The following IL17RD variants were observed in gnomAD, a reference collection of about 807,000 sequenced individuals.
The protein encoded by IL17RD is interleukin-17 receptor D.
IL17RD carries 52 observed loss-of-function variants against 80.5 expected under a neutral mutation model. The observed-to-expected ratio is 0.65, with a 90% CI of 0.52 to 0.81. The LOEUF is 0.81. Ranked by LOEUF, IL17RD falls within the 40% of genes least tolerant of loss-of-function variation. The pLI, the probability that IL17RD is intolerant of heterozygous loss-of-function variation, is 0.00. For synonymous variants in IL17RD, 416 were observed against 391.8 expected (o/e 1.06, Z -0.73); for missense variants, 1,024 against 955.1 (o/e 1.07, Z -0.95).
chr3:57,162,681 C>T (rs2060313825), intron 1 of IL17RD, among the ~76,000 whole-genome samples: 1 of 152,130 alleles, frequency 6.6e-6, no homozygotes, highest in South Asian at 2.1e-4. Flanking sequence ...ATCTTTGCCT[C>T]TACTTCTTAA....
chr3:57,164,688 C>CA (rs1307842277), intron 1 of IL17RD, among the ~76,000 whole-genome samples: 2 of 152,108 alleles, frequency 1.3e-5, no homozygotes, highest in African/African-American at 4.8e-5. Flanking sequence ...CCCGGTGCTC[C>CA]AAGTCCCCTC....
intron 5 of IL17RD, 140 bp downstream of exon 5, chr3:57,109,397 G>A (rs545940809): frequency 4.5e-5 from 35 of 773,172 alleles, no homozygotes; most frequent in African/African-American, 1.2e-4. Flanking sequence ...TGCCTGCCTC[G>A]GCCTCCCAAA....
chr3:57,120,336 G>C, intron 1 of IL17RD, 23 bp from the exon 2 acceptor site: 1 of 1,601,290 alleles, frequency 6.2e-7, no homozygotes, highest in South Asian at 1.1e-5. Context: ...AAGAGAACAT[G>C]ATGCAGAGTG....
chr3:57,133,707 G>C (rs1226631373), intron 1 of IL17RD, among the ~76,000 whole-genome samples: 1 of 152,198 alleles, frequency 6.6e-6, no homozygotes, highest in Non-Finnish European at 1.5e-5. Context: ...GAGTGGTATA[G>C]AGAGGTCAAT....
In IL17RD at chr3:57,134,211, C is replaced by A. The variant is rs544855601; in HGVS notation, c.127-13898G>T. 10 of 687,862 alleles carry A rather than the reference C, an allele frequency of 1.5e-5. No homozygotes were observed. The East Asian group carries it at 2.7e-4, about 18-fold the overall frequency. 42.6% of individuals were successfully genotyped at this position (687,862 alleles called of 1,614,324 possible). A position where few individuals can be genotyped will look rare whatever the true frequency, so the allele number is the denominator to read the frequency against. On this transcript the variant is annotated intron_variant, in intron 1 of 12. Coordinates refer to ENST00000296318, the MANE Select transcript of IL17RD (RefSeq NM_017563.5). ...TGGCAAGAAGAAGGTCTGGTTGGAC[C>A]CCAATAAGACCAATGAAATCGCCAA...
intron 1 of IL17RD, among the ~76,000 whole-genome samples, chr3:57,138,024 T>C (rs1046756790): frequency 6.6e-6 from 1 of 152,236 alleles, no homozygotes; most frequent in African/African-American, 2.4e-5. Flanking sequence ...CAATACTGTA[T>C]GACTACATTT....
chr3:57,115,268 C>A (rs1460949979), intron 2 of IL17RD, among the ~76,000 whole-genome samples: 2 of 152,168 alleles, frequency 1.3e-5, no homozygotes, highest in Non-Finnish European at 2.9e-5. Flanking sequence ...GGGAAAGGAA[C>A]TAACACTCAG....
At chr3:57,159,979 C>A (rs2060292552) in intron 1 of IL17RD, among the ~76,000 whole-genome samples, 1 of 152,182 alleles carries the variant, frequency 6.6e-6, no homozygotes, top group South Asian at 2.1e-4. Context: ...CGAGACCAGC[C>A]TGGCCAACAT....
At chr3:57,161,538 T>C (rs2060305061) in intron 1 of IL17RD, among the ~76,000 whole-genome samples, 1 of 152,250 alleles carries the variant, frequency 6.6e-6, no homozygotes, top group Admixed American at 6.5e-5. Context: ...AGTAGTGTTT[T>C]CTTGCAGGGG....
chr3:57,109,760 C>T, intron 4 of IL17RD, 103 bp from the exon 5 acceptor site: 1 of 1,134,284 alleles, frequency 8.8e-7, no homozygotes, highest in Non-Finnish European at 1.3e-6. Context: ...GACACAACTC[C>T]AGAGCTGCAG....
chr3:57,103,502 G>C (rs1706884452), intron 8 of IL17RD, among the ~76,000 whole-genome samples: 1 of 152,110 alleles, frequency 6.6e-6, no homozygotes, highest in Non-Finnish European at 1.5e-5. Context: ...AATGCTTTAA[G>C]AAGGTGTATC....
At chr3:57,157,278 A>G (rs2060274296) in intron 1 of IL17RD, among the ~76,000 whole-genome samples, 1 of 152,208 alleles carries the variant, frequency 6.6e-6, no homozygotes, top group Non-Finnish European at 1.5e-5. Context: ...GAGCAGCAGA[A>G]GCCCGTTCAA....
upstream of IL17RD, chr3:57,169,184 A>G: frequency 2.0e-6 from 1 of 506,622 alleles, no homozygotes; most frequent in Non-Finnish European, 3.9e-6. Flanking sequence ...GGAGGTGACC[A>G]GAAGATGAGC....
At position 57,095,676 on chromosome 3, in the gene IL17RD, G is replaced by A. The variant is rs1366561744; in HGVS notation, c.*717C>T. 1 of 152,314 alleles carries A rather than the reference G, an allele frequency of 6.6e-6. No homozygotes were observed. Among genetic ancestry groups the A allele is most frequent in the African/African-American group, 2.4e-5 (1 of 41,460 alleles). The allele number at this position is 152,314 out of a possible 1,614,324, so 9.4% of individuals were successfully genotyped here. On this transcript the variant is annotated 3_prime_UTR_variant, in exon 13 of 13. Coordinates refer to ENST00000296318, the MANE Select transcript of IL17RD (RefSeq NM_017563.5). ...TGCCTACTCAGACCAAGAGGAGGCT[G>A]TGTGTGCTGAGGTCCTGGGGCCTTC...
At chr3:57,113,675 A>G (rs1707147514) in intron 3 of IL17RD, among the ~76,000 whole-genome samples, 1 of 152,048 alleles carries the variant, frequency 6.6e-6, no homozygotes, top group African/African-American at 2.4e-5. Flanking sequence ...AGTAGCTAAG[A>G]CTACAGACTT....
chr3:57,167,840 T>C (rs1196533407), upstream of IL17RD, among the ~76,000 whole-genome samples: 1 of 152,210 alleles, frequency 6.6e-6, no homozygotes, highest in Non-Finnish European at 1.5e-5. Flanking sequence ...CTTTCTCTTT[T>C]TTTTTCTTTG....
intron 1 of IL17RD, 135 bp from the exon 2 acceptor site, chr3:57,120,448 C>A: frequency 1.5e-6 from 1 of 665,690 alleles, no homozygotes; most frequent in Middle Eastern, 3.7e-4. Context: ...ATCCACCACT[C>A]TTTCTGCCCG....
At chr3:57,154,283 T>TATAC (rs904157398) in intron 1 of IL17RD, among the ~76,000 whole-genome samples, 37 of 112,908 alleles carry the variant, frequency 3.3e-4, no homozygotes, top group African/African-American at 9.5e-4. Flanking sequence ...TATATATATA[T>TATAC]ACACACACAC....
At chr3:57,146,023 ACACACTCACGCGCGCGCGCGCG>A (rs1707918307) in intron 1 of IL17RD, among the ~76,000 whole-genome samples, 1 of 140,326 alleles carries the variant, frequency 7.1e-6, no homozygotes, top group South Asian at 2.2e-4. Context: ...GCGCGCACAC[ACACACTCACGCGCGCGCGCGCG>A]CACACACACA....
Sources: gnomAD v4.1 joint callset for allele counts (sites outside exome capture counted in the v4.1 genomes callset) on GRCh38, gnomAD v4.1.1 for gene constraint, MANE v1.5 for transcripts, NCBI Gene and HGNC (gene_info 2026-07-23, HGNC 2026-07-21) for gene names.